The following NECAB2 variants were observed in gnomAD, a reference collection of about 807,000 sequenced individuals.
The protein encoded by NECAB2 is N-terminal EF-hand calcium-binding protein 2.
In NECAB2, 68 loss-of-function variants were observed where a neutral mutation model predicts 51.9. The ratio of observed to expected loss-of-function variants is 1.31; its 90% CI spans 1.08 to 1.60. NECAB2 has a LOEUF of 1.60. NECAB2 is among the 40% of genes most tolerant of loss of function. The pLI, the probability that NECAB2 is intolerant of heterozygous loss-of-function variation, is 0.00. For synonymous variants in NECAB2, 329 were observed against 203.5 expected, an observed-to-expected ratio of 1.62 and a Z score of -5.25; for missense variants, 854 against 490.3, an observed-to-expected ratio of 1.74 and a Z score of -7.00.
At chr16:83,969,562 T>C (rs2084326634) in intron 1 of NECAB2, among the ~76,000 whole-genome samples, 1 of 149,390 alleles carries the variant, frequency 6.7e-6, no homozygotes, top group South Asian at 2.1e-4. Flanking sequence ...TGGACCAGAC[T>C]CACCCCTCAC....
chr16:84,000,829 G>A, intron 11 of NECAB2, 28 bp downstream of exon 11: 7 of 1,602,732 alleles, frequency 4.4e-6, no homozygotes, highest in East Asian at 2.2e-5. Context: ...CACAGCAGGT[G>A]AGGGAGACAG....
chr16:83,995,176 C>G (rs545945573), intron 8 of NECAB2, among the ~76,000 whole-genome samples: 4 of 152,236 alleles, frequency 2.6e-5, no homozygotes, highest in Non-Finnish European at 4.4e-5. Context: ...GAAAATGGCA[C>G]AGCCCTTACA....
At position 84,001,910 on chromosome 16, in the gene NECAB2, G is replaced by A; in HGVS notation, c.1126G>A (p.Val376Met). 8 of 1,613,948 alleles carry A rather than the reference G, an allele frequency of 5.0e-6. No homozygotes were observed. The highest frequency in any genetic ancestry group is 6.8e-6 in the Non-Finnish European group (8 of 1,179,874). The change falls in exon 12 of 13, where the codon GTG becomes ATG. Residue 376 changes from valine to methionine, a missense_variant. By Grantham distance (21) the Val-to-Met change is conservative. Coordinates refer to ENST00000305202, the MANE Select transcript of NECAB2 (RefSeq NM_019065.3). ...SQPEALSRIL[V>M]PAAWCTVGRD ...GCCTGAGGCCCTCTCCAGGATCTTG[G>A]TGCCAGGTAGGGGGCAAAGGCCTGG...
chr16:83,981,793 G>C (rs1353024000), intron 5 of NECAB2, among the ~76,000 whole-genome samples: 3 of 152,150 alleles, frequency 2.0e-5, no homozygotes, highest in Non-Finnish European at 4.4e-5. Flanking sequence ...AGCAGCCATA[G>C]GGCACACTGG....
chr16:83,995,134 T>C (rs1045181881), intron 8 of NECAB2, among the ~76,000 whole-genome samples: 1 of 152,224 alleles, frequency 6.6e-6, no homozygotes, highest in African/African-American at 2.4e-5. Context: ...AGCAAATGTA[T>C]TAAGTGTGAT....
At chr16:83,985,197 C>T (rs1336175419) in intron 5 of NECAB2, among the ~76,000 whole-genome samples, 7 of 151,096 alleles carry the variant, frequency 4.6e-5, no homozygotes, top group Non-Finnish European at 8.8e-5. Context: ...CCTGTAATCC[C>T]AGCTACTTGG....
chr16:83,993,457 G>C (rs942263737), intron 6 of NECAB2: 1 of 154,184 alleles, frequency 6.5e-6, no homozygotes, highest in South Asian at 2.0e-4. Context: ...GACCAAGCGG[G>C]TGTTGGGGCC....
chr16:83,965,848 C>T, upstream of NECAB2: 1 of 1,613,004 alleles, frequency 6.2e-7, no homozygotes, highest in Non-Finnish European at 8.5e-7. Flanking sequence ...CCAAGAGGAA[C>T]CCCATTGACG....
In NECAB2 at chr16:83,980,877, C is replaced by T; in HGVS notation, c.361+13C>T. Reference sequence around the variant, plus strand: ...AAGGAGCTGTGTGGTAGGTGCCTGGCTATGCTGGGACCAAGATGGGGATGC... The same window carrying T: ...AAGGAGCTGTGTGGTAGGTGCCTGGTTATGCTGGGACCAAGATGGGGATGC... On this transcript the variant is annotated intron_variant, in intron 4 of 12. Coordinates refer to ENST00000305202, the MANE Select transcript of NECAB2 (RefSeq NM_019065.3). 6.2e-7 allele frequency: 1 copy of T among 1,611,258 alleles called. No individual in the cohort carries two copies. The highest frequency in any genetic ancestry group is 8.5e-7 in the Non-Finnish European group (1 of 1,178,492).
At chr16:83,974,185 G>A (rs767802242) in intron 2 of NECAB2, among the ~76,000 whole-genome samples, 3 of 152,178 alleles carry the variant, frequency 2.0e-5, no homozygotes, top group Non-Finnish European at 4.4e-5. Context: ...GTGGGTGTGA[G>A]ATGCGGGTTC....
At chr16:83,965,960 G>A (rs147251034), upstream of NECAB2, 8,156 of 1,607,562 alleles carry the variant, frequency 5.1e-3, 30 homozygotes, top group Non-Finnish European at 6.2e-3. Flanking sequence ...GGGCGCCTTG[G>A]CTGTGGCCAG....
At chr16:83,981,175 T>C in intron 5 of NECAB2, 48 bp downstream of exon 5, 5 of 1,255,918 alleles carry the variant, frequency 4.0e-6, no homozygotes, top group Non-Finnish European at 5.3e-6. Context: ...CAGTGCTGCT[T>C]CAGTTCCACC....
Position 84,002,533 on chromosome 16 carries a change from C to G in NECAB2, c.*187C>G. On this transcript the variant is annotated 3_prime_UTR_variant, in exon 13 of 13. Coordinates refer to ENST00000305202, the MANE Select transcript of NECAB2 (RefSeq NM_019065.3). ...CCCACCTGAGAAGGCAGAGCAGTGTCTGTGCTGCCAGGTCCTGGTGAAGCC... is the reference window on the plus strand; with the variant it reads ...CCCACCTGAGAAGGCAGAGCAGTGTGTGTGCTGCCAGGTCCTGGTGAAGCC... The G allele has an allele frequency of 4.1e-6, 3 of 739,966 alleles. No individual in the cohort carries two copies. In the South Asian group the frequency reaches 5.1e-5, roughly 13 times the overall value. 45.8% of individuals were successfully genotyped at this position (739,966 alleles called of 1,614,324 possible).
At chr16:83,994,012 C>A (rs555679879) in intron 6 of NECAB2, among the ~76,000 whole-genome samples, 1 of 152,278 alleles carries the variant, frequency 6.6e-6, no homozygotes, top group Non-Finnish European at 1.5e-5. Flanking sequence ...GGGTCCCTGG[C>A]TCAGCCTCAC....
At chr16:83,996,520 G>A (rs1016545244) in intron 8 of NECAB2, among the ~76,000 whole-genome samples, 2 of 152,302 alleles carry the variant, frequency 1.3e-5, no homozygotes, top group Admixed American at 6.5e-5. Flanking sequence ...TCCTCATGGA[G>A]GATGGACAGA....
At chr16:83,980,713 A>G in intron 3 of NECAB2, 126 bp from the exon 4 acceptor site, 1 of 1,303,808 alleles carries the variant, frequency 7.7e-7, no homozygotes, top group South Asian at 1.3e-5. Flanking sequence ...TGTAAGGCGG[A>G]GCTTGTGGGG....
chr16:83,998,859 C>G (rs989991081), intron 10 of NECAB2, among the ~76,000 whole-genome samples: 2 of 152,188 alleles, frequency 1.3e-5, no homozygotes, highest in African/African-American at 4.8e-5. Context: ...CTTCAAATTC[C>G]TGTTCATCCC....
At chr16:83,987,422 G>A (rs111903176) in intron 5 of NECAB2, among the ~76,000 whole-genome samples, 1 of 152,136 alleles carries the variant, frequency 6.6e-6, no homozygotes, top group African/African-American at 2.4e-5. Context: ...TTTTGTTACA[G>A]TACTTCTGTT....
rs1211118313 is a variant in NECAB2 at position 84,002,530 on chromosome 16, T to C, written c.*184T>C. On this transcript the variant is annotated 3_prime_UTR_variant, in exon 13 of 13. Transcript: ENST00000305202. ...GCCCCCACCTGAGAAGGCAGAGCAG[T>C]GTCTGTGCTGCCAGGTCCTGGTGAA... 1.3e-6 allele frequency: 1 copy of C among 744,156 alleles called. No homozygotes were observed. The highest frequency in any genetic ancestry group is 2.4e-5 in the Admixed American group (1 of 41,206). The allele number at this position is 744,156 out of a possible 1,614,324, so 46.1% of individuals were successfully genotyped here.
Sources: allele counts gnomAD v4.1 joint callset (sites outside exome capture counted in the v4.1 genomes callset), GRCh38; gene constraint gnomAD v4.1.1; transcripts MANE v1.5; gene names NCBI Gene and HGNC (gene_info 2026-07-23, HGNC 2026-07-21).